EXTL3: variants seen among roughly 807,000 people sequenced by gnomAD.
EXTL3 encodes exostosin-like 3.
A neutral mutation model predicts 69.3 loss-of-function variants in EXTL3; 27 were observed. The ratio of observed to expected loss-of-function variants is 0.39; its 90% CI spans 0.29 to 0.54. The LOEUF (loss-of-function observed/expected upper bound fraction) is 0.54. EXTL3 is among the 20% of genes least tolerant of loss of function. EXTL3 has a pLI of 0.69. For missense variants in EXTL3, 1,003 were observed against 1,231.8 expected (o/e 0.81, Z 2.78); for synonymous variants, 511 against 499.4 (o/e 1.02, Z -0.31).
upstream of EXTL3, among the ~76,000 whole-genome samples, chr8:28,620,399 G>T (rs376623819): frequency 6.6e-6 from 1 of 152,182 alleles, no homozygotes. Flanking sequence ...TTGAACTAGA[G>T]CTCTGAGTTC....
chr8:28,687,894 T>C (rs1449245938), intron 1 of EXTL3, among the ~76,000 whole-genome samples: 1 of 152,156 alleles, frequency 6.6e-6, no homozygotes, highest in Non-Finnish European at 1.5e-5. Flanking sequence ...GGATAACGAA[T>C]TTAGGAAGTT....
chr8:28,641,860 G>A (rs962137295), intron 1 of EXTL3, among the ~76,000 whole-genome samples: 5 of 151,920 alleles, frequency 3.3e-5, no homozygotes. Context: ...TCTTGAGACG[G>A]AGTCTCGCTC....
chr8:28,728,661 G>C (rs1801465140), intron 3 of EXTL3, among the ~76,000 whole-genome samples: 1 of 152,124 alleles, frequency 6.6e-6, no homozygotes, highest in African/African-American at 2.4e-5. Flanking sequence ...TGAGGGAGGG[G>C]GAATGCTTGA....
chr8:28,669,537 A>G (rs950426856), intron 1 of EXTL3, among the ~76,000 whole-genome samples: 1 of 152,202 alleles, frequency 6.6e-6, no homozygotes, highest in Non-Finnish European at 1.5e-5. Context: ...AAGTTTGAGA[A>G]GGGGTGTGTG....
chr8:28,738,546 G>A (rs758246935), intron 5 of EXTL3, among the ~76,000 whole-genome samples: 1 of 152,000 alleles, frequency 6.6e-6, no homozygotes, highest in Non-Finnish European at 1.5e-5. Context: ...CGTGAGTGCC[G>A]CTCTCTACCT....
chr8:28,711,958 C>T (rs1801038916), intron 1 of EXTL3, among the ~76,000 whole-genome samples: 1 of 152,150 alleles, frequency 6.6e-6, no homozygotes, highest in Admixed American at 6.5e-5. Flanking sequence ...GGACACTGGG[C>T]TGGGTGCTGG....
At position 28,755,121 on chromosome 8, in the gene EXTL3, C is replaced by A. The variant is rs528187414; in HGVS notation, c.*4255C>A. 1 of 152,306 alleles carries A rather than the reference C, an allele frequency of 6.6e-6. No individual in the cohort carries two copies. Among genetic ancestry groups the A allele is most frequent in the South Asian group, 2.1e-4 (1 of 4,830 alleles). 9.4% of individuals were successfully genotyped at this position (152,306 alleles called of 1,614,324 possible). A position where few individuals can be genotyped will look rare whatever the true frequency, so the allele number is the denominator to read the frequency against. On this transcript the variant is annotated 3_prime_UTR_variant, in exon 7 of 7. Coordinates refer to ENST00000220562, the MANE Select transcript of EXTL3 (RefSeq NM_001440.4). ...GTTAAAAGTTAAATAATATAATATA[C>A]GTAGAGTCCACTGTTTGACACAATA...
chr8:28,615,467 C>A (rs1806319601), intron 2 of EXTL3, among the ~76,000 whole-genome samples: 1 of 152,164 alleles, frequency 6.6e-6, no homozygotes, highest in East Asian at 1.9e-4. Context: ...TGATGTCTTC[C>A]TGGAGAATTG....
chr8:28,678,033 A>G (rs934105954), intron 1 of EXTL3: 8 of 152,282 alleles, frequency 5.3e-5, no homozygotes, highest in African/African-American at 1.9e-4. Context: ...ATCCAAGGCC[A>G]AAACAGGCTT....
chr8:28,665,404 G>A (rs919659611), intron 1 of EXTL3, among the ~76,000 whole-genome samples: 4 of 146,894 alleles, frequency 2.7e-5, no homozygotes, highest in Admixed American at 1.4e-4. Context: ...AAGCTCAGTC[G>A]TCACTTGTTT....
chr8:28,687,934 AT>A (rs2130671813), intron 1 of EXTL3, among the ~76,000 whole-genome samples: 1 of 152,066 alleles, frequency 6.6e-6, no homozygotes, highest in East Asian at 1.9e-4. Context: ...TTGTGTTTTC[AT>A]TTGTTTTTTC....
intron 1 of EXTL3, among the ~76,000 whole-genome samples, chr8:28,639,422 C>T (rs1806708628): frequency 2.0e-5 from 3 of 152,202 alleles, no homozygotes; most frequent in South Asian, 2.1e-4. Context: ...CCGCTTTTCC[C>T]GTCACAGCTG....
intron 3 of EXTL3, among the ~76,000 whole-genome samples, chr8:28,724,841 ATCT>A (rs912560606): frequency 1.3e-5 from 2 of 151,884 alleles, no homozygotes; most frequent in African/African-American, 2.4e-5. Context: ...TCTTTCTATC[ATCT>A]TCTCTCTGTC....
chr8:28,695,720 G>C (rs759576223), intron 1 of EXTL3, among the ~76,000 whole-genome samples: 4 of 152,142 alleles, frequency 2.6e-5, no homozygotes, highest in Non-Finnish European at 5.9e-5. Context: ...AGTAGGCTGG[G>C]ACCAGAGGGA....
At chr8:28,669,819 A>G (rs1197729233) in intron 1 of EXTL3, among the ~76,000 whole-genome samples, 1 of 152,084 alleles carries the variant, frequency 6.6e-6, no homozygotes, top group African/African-American at 2.4e-5. Context: ...CCTTGGCTTC[A>G]CTCCCAGGGC....
At chr8:28,654,911 A>G (rs561231250) in intron 1 of EXTL3, among the ~76,000 whole-genome samples, 5 of 152,306 alleles carry the variant, frequency 3.3e-5, no homozygotes, top group Admixed American at 6.5e-5. Flanking sequence ...ACAGAGAACT[A>G]TTATTTAGTC....
chr8:28,734,450 A>G (rs34376004), intron 4 of EXTL3, among the ~76,000 whole-genome samples: 44,550 of 152,098 alleles, frequency 0.29, 6,556 homozygotes, highest in Middle Eastern at 0.35. Flanking sequence ...AGTGGCTTAC[A>G]CCTGTAATCC....
chr8:28,633,958 T>C (rs1806613605), intron 1 of EXTL3, among the ~76,000 whole-genome samples: 1 of 152,110 alleles, frequency 6.6e-6, no homozygotes, highest in Non-Finnish European at 1.5e-5. Flanking sequence ...CAGGGGTGAC[T>C]TTTCAGACAC....
chr8:28,620,403 T>C (rs1271132145), upstream of EXTL3, among the ~76,000 whole-genome samples: 1 of 152,198 alleles, frequency 6.6e-6, no homozygotes, highest in South Asian at 2.1e-4. Context: ...ACTAGAGCTC[T>C]GAGTTCTTCA....
Sources: allele counts gnomAD v4.1 joint callset (sites outside exome capture counted in the v4.1 genomes callset), GRCh38; gene constraint gnomAD v4.1.1; transcripts MANE v1.5; gene names NCBI Gene and HGNC (gene_info 2026-07-23, HGNC 2026-07-21).